ZMYND11: variants seen among roughly 807,000 people sequenced by gnomAD.
ZMYND11 encodes the protein zinc finger MYND domain-containing protein 11.
Under a neutral mutation model 84.9 loss-of-function variants are expected in ZMYND11, and 9 were observed. The ratio of observed to expected loss-of-function variants is 0.11; its 90% CI spans 0.06 to 0.18. The LOEUF (loss-of-function observed/expected upper bound fraction) is 0.18, where lower values mean the gene tolerates loss of function less well. Ranked by LOEUF, ZMYND11 falls within the 10% of genes least tolerant of loss-of-function variation. ZMYND11 has a pLI of 1.00. For synonymous variants in ZMYND11, 250 were observed against 244.1 expected (o/e 1.02, Z -0.23); for missense variants, 409 against 761.0 (o/e 0.54, Z 5.44).
At chr10:241,147 A>G (rs1950829286) in intron 9 of ZMYND11, among the ~76,000 whole-genome samples, 177 bp downstream of exon 9, 1 of 152,146 alleles carries the variant, frequency 6.6e-6, no homozygotes, top group Admixed American at 6.5e-5. Context: ...TTCTGATTTT[A>G]AAATGAGATA....
chr10:227,196 G>C (rs994649157), intron 4 of ZMYND11, among the ~76,000 whole-genome samples: 1 of 152,146 alleles, frequency 6.6e-6, no homozygotes, highest in African/African-American at 2.4e-5. Flanking sequence ...TGCAGCACTT[G>C]ATTCTCTGAC....
intron 4 of ZMYND11, 136 bp from the exon 5 acceptor site, chr10:236,702 C>A: frequency 1.5e-6 from 1 of 675,216 alleles, no homozygotes; most frequent in Non-Finnish European, 2.5e-6. Context: ...AGATTTCTGT[C>A]AGATATGTTG....
intron 2 of ZMYND11, among the ~76,000 whole-genome samples, chr10:180,601 A>G (rs1042793618): frequency 1.3e-5 from 2 of 152,178 alleles, no homozygotes; most frequent in Non-Finnish European, 2.9e-5. Context: ...GGGTTTCACC[A>G]TGTTGGCCAG....
chr10:195,632 T>C (rs1941554723), intron 2 of ZMYND11, among the ~76,000 whole-genome samples: 1 of 152,196 alleles, frequency 6.6e-6, no homozygotes, highest in African/African-American at 2.4e-5. Context: ...CTGCACAGCA[T>C]GTTTTTAAGG....
intron 2 of ZMYND11, among the ~76,000 whole-genome samples, chr10:187,558 C>T (rs968506021): frequency 5.3e-5 from 8 of 151,564 alleles, no homozygotes; most frequent in African/African-American, 7.3e-5. Context: ...GGGGTGAACC[C>T]GGGAGGCGGA....
chr10:134,988 G>A (rs1267200611), upstream of ZMYND11: 1 of 149,348 alleles, frequency 6.7e-6, no homozygotes, highest in African/African-American at 2.4e-5. Context: ...AGAGCCCCCA[G>A]TGCGCGGCCC....
At chr10:206,338 C>T (rs1181012500) in intron 2 of ZMYND11, among the ~76,000 whole-genome samples, 2 of 152,120 alleles carry the variant, frequency 1.3e-5, no homozygotes, top group Non-Finnish European at 2.9e-5. Context: ...CCAGCCTGGG[C>T]AACAGAGTGA....
chr10:248,316 A>G lies in ZMYND11; in HGVS notation c.1228-20A>G. On this transcript the variant is annotated intron_variant, in intron 12 of 14. Coordinates refer to ENST00000381604, the MANE Select transcript of ZMYND11 (RefSeq NM_001370100.5). ...TTATGTGGCTTCGTTTGGCGTCTAA[A>G]CTCTTGTCTCACCTTTTAGGAACCA... The G allele has an allele frequency of 6.2e-7, 1 of 1,607,664 alleles. No individual in the cohort carries two copies. The highest frequency in any genetic ancestry group is 8.5e-7 in the Non-Finnish European group (1 of 1,176,198).
chr10:137,492 A>G (rs1174884619), intron 1 of ZMYND11, among the ~76,000 whole-genome samples: 3 of 152,222 alleles, frequency 2.0e-5, no homozygotes, highest in East Asian at 3.8e-4. Flanking sequence ...GTTTTCCTGT[A>G]AACTGAGAAA....
intron 2 of ZMYND11, among the ~76,000 whole-genome samples, chr10:193,418 A>G (rs905490539): frequency 6.6e-6 from 1 of 152,158 alleles, no homozygotes; most frequent in Non-Finnish European, 1.5e-5. Flanking sequence ...GTATGGAGTA[A>G]GGATCTCTTT....
intron 1 of ZMYND11, among the ~76,000 whole-genome samples, chr10:162,491 G>A (rs1448873878): frequency 6.6e-6 from 1 of 151,406 alleles, no homozygotes; most frequent in Non-Finnish European, 1.5e-5. Flanking sequence ...AAAGCAACTT[G>A]TAAAACAATG....
intron 2 of ZMYND11, among the ~76,000 whole-genome samples, chr10:204,348 A>G (rs1407327325): frequency 1.3e-5 from 2 of 152,066 alleles, no homozygotes; most frequent in South Asian, 2.1e-4. Flanking sequence ...TTGTCATTCT[A>G]TTTCTTCCTG....
chr10:243,782 G>C (rs559794119), intron 10 of ZMYND11, among the ~76,000 whole-genome samples: 29 of 152,224 alleles, frequency 1.9e-4, no homozygotes, highest in African/African-American at 7.0e-4. Flanking sequence ...GGAGAATGGC[G>C]TGAACCCGGG....
chr10:232,399 A>G (rs1949155979), intron 4 of ZMYND11, among the ~76,000 whole-genome samples: 1 of 152,260 alleles, frequency 6.6e-6, no homozygotes, highest in Non-Finnish European at 1.5e-5. Context: ...TCTTGGAAAG[A>G]AAACCCTCAA....
chr10:146,433 A>G (rs556736897), intron 1 of ZMYND11, among the ~76,000 whole-genome samples: 2 of 152,304 alleles, frequency 1.3e-5, no homozygotes, highest in African/African-American at 4.8e-5. Context: ...TAGGAATTGC[A>G]TTGAATCTAT....
intron 14 of ZMYND11, among the ~76,000 whole-genome samples, chr10:250,728 A>T (rs1953270695): frequency 1.3e-5 from 2 of 152,336 alleles, no homozygotes; most frequent in South Asian, 2.1e-4. Flanking sequence ...ATCACATTCT[A>T]GTAAAAGGGT....
At chr10:152,181 C>G (rs538695026) in intron 1 of ZMYND11, among the ~76,000 whole-genome samples, 1 of 152,304 alleles carries the variant, frequency 6.6e-6, no homozygotes, top group South Asian at 2.1e-4. Flanking sequence ...AACCAGCTAA[C>G]ATCATAATGA....
intron 3 of ZMYND11, among the ~76,000 whole-genome samples, chr10:216,170 C>T (rs1946164839): frequency 6.6e-6 from 1 of 152,140 alleles, no homozygotes; most frequent in Admixed American, 6.5e-5. Context: ...TGGCTTTATT[C>T]TTCAGAACTA....
At chr10:179,227 G>T (rs558367631) in intron 1 of ZMYND11, among the ~76,000 whole-genome samples, 1 of 152,062 alleles carries the variant, frequency 6.6e-6, no homozygotes, top group Non-Finnish European at 1.5e-5. Flanking sequence ...ACTGCTCTCC[G>T]GACATCCAGG....
Sources: gnomAD v4.1 joint callset for allele counts (sites outside exome capture counted in the v4.1 genomes callset) on GRCh38, gnomAD v4.1.1 for gene constraint, MANE v1.5 for transcripts, NCBI Gene and HGNC (gene_info 2026-07-23, HGNC 2026-07-21) for gene names.